Variants in NAALADL2 observed in about 807,000 individuals in gnomAD.
NAALADL2 encodes the protein inactive N-acetylated-alpha-linked acidic dipeptidase-like protein 2.
Under a neutral mutation model 87.2 loss-of-function variants are expected in NAALADL2, and 76 were observed. The observed-to-expected ratio is 0.87, with a 90% CI of 0.72 to 1.05. The LOEUF (loss-of-function observed/expected upper bound fraction) is 1.05, where lower values mean the gene tolerates loss of function less well. Among genes scored for constraint, NAALADL2 ranks in the 50% least tolerant of loss-of-function variants. NAALADL2 has a pLI of 0.00. For synonymous variants in NAALADL2, 354 were observed against 331.0 expected, an observed-to-expected ratio of 1.07 and a Z score of -0.75; for missense variants, 1,089 against 945.8, an observed-to-expected ratio of 1.15 and a Z score of -1.99.
chr3:174,805,171 A>G (rs1719314760), intron 3 of NAALADL2, among the ~76,000 whole-genome samples: 2 of 152,142 alleles, frequency 1.3e-5, no homozygotes, highest in Admixed American at 6.6e-5. Context: ...TGCTGTCAAA[A>G]TTGGAATATT....
intron 2 of NAALADL2, among the ~76,000 whole-genome samples, chr3:174,644,192 T>G (rs1723545730): frequency 6.6e-6 from 1 of 152,208 alleles, no homozygotes; most frequent in Non-Finnish European, 1.5e-5. Flanking sequence ...GATTTCTGCT[T>G]TCAGCGAGAT....
chr3:175,148,088 A>AATG (rs147242939), intron 2 of NAALADL2, among the ~76,000 whole-genome samples: 2 of 126,288 alleles, frequency 1.6e-5, no homozygotes, highest in African/African-American at 7.3e-5. Flanking sequence ...TAATAATGAT[A>AATG]ATGATAATAA....
At chr3:175,232,250 C>G (rs372125820) in intron 2 of NAALADL2, among the ~76,000 whole-genome samples, 7 of 20,102 alleles carry the variant, frequency 3.5e-4, no homozygotes, top group South Asian at 1.5e-3. Flanking sequence ...GAAGAAAGAA[C>G]AAGAAGAAGA....
intron 2 of NAALADL2, among the ~76,000 whole-genome samples, chr3:174,604,241 T>G (rs1435141817): frequency 6.6e-6 from 1 of 152,180 alleles, no homozygotes; most frequent in Non-Finnish European, 1.5e-5. Context: ...TATATCTAGG[T>G]GATTCAGTGT....
At chr3:175,596,118 C>A (rs889875915) in intron 10 of NAALADL2, among the ~76,000 whole-genome samples, 1 of 151,678 alleles carries the variant, frequency 6.6e-6, no homozygotes, top group Non-Finnish European at 1.5e-5. Flanking sequence ...GGTTAGGAGG[C>A]CCTGATAAAA....
rs149646034 is a variant in NAALADL2, at chr3:175,102,230, A to G, written c.545+4939A>G. 5.2e-4 allele frequency among the ~76,000 whole-genome samples: 79 copies of G among 152,280 alleles called. No individual in the cohort carries two copies. In the East Asian group the frequency reaches 0.014, roughly 27 times the overall value. On this transcript the variant is annotated intron_variant, in intron 2 of 13. Coordinates refer to ENST00000454872, the MANE Select transcript of NAALADL2 (RefSeq NM_207015.3). ...CTTGTACATAAATCCAATTGTGCCT[A>G]TTTAATTATTCCCTTCTGATGAATT...
intron 4 of NAALADL2, among the ~76,000 whole-genome samples, chr3:175,295,135 T>C (rs988661215): frequency 1.3e-5 from 2 of 152,168 alleles, no homozygotes; most frequent in African/African-American, 2.4e-5. Context: ...CCTGAGTATA[T>C]ATTTCCAGAA....
In NAALADL2 at chr3:175,639,407, A is replaced by G. The variant is rs1319419015; in HGVS notation, c.1896+12021A>G. Among the ~76,000 whole-genome samples, 11 of 133,584 alleles carry G rather than the reference A, an allele frequency of 8.2e-5. No individual in the cohort carries two copies. In the East Asian group the frequency reaches 1.3e-3, roughly 16 times the overall value. The allele number at this position is 133,584 out of a possible 152,430, so 87.6% of individuals were successfully genotyped here. A position where few individuals can be genotyped will look rare whatever the true frequency, so the allele number is the denominator to read the frequency against. On this transcript the variant is annotated intron_variant, in intron 11 of 13. Transcript: ENST00000454872. ...GCAATCTCGGCTCACTGCAAGCTCC[A>G]CCTCCCGGGTTCACACCATTCTCCT...
At chr3:175,157,817 G>A (rs1190629637) in intron 2 of NAALADL2, among the ~76,000 whole-genome samples, 2 of 152,004 alleles carry the variant, frequency 1.3e-5, no homozygotes, top group South Asian at 2.1e-4. Context: ...TCCAGATGGT[G>A]ATTAACAGTT....
intron 4 of NAALADL2, among the ~76,000 whole-genome samples, chr3:175,281,112 TAA>T (rs5854624): frequency 6.9e-6 from 1 of 144,630 alleles, no homozygotes; most frequent in African/African-American, 2.7e-5. Context: ...AATTAAAACT[TAA>T]AAAAAATATA....
At chr3:174,742,176 T>G (rs965853969) in intron 3 of NAALADL2, among the ~76,000 whole-genome samples, 1 of 151,666 alleles carries the variant, frequency 6.6e-6, no homozygotes, top group Non-Finnish European at 1.5e-5. Flanking sequence ...CAAGGACCAT[T>G]TAATAAAAAT....
chr3:175,547,314 G>A (rs1190101345), intron 9 of NAALADL2, among the ~76,000 whole-genome samples: 1 of 152,092 alleles, frequency 6.6e-6, no homozygotes, highest in Non-Finnish European at 1.5e-5. Flanking sequence ...AAGCAATGGG[G>A]AAAGGACTCC....
intron 1 of NAALADL2, among the ~76,000 whole-genome samples, chr3:175,090,351 C>A (rs1207910899): frequency 6.6e-6 from 1 of 151,760 alleles, no homozygotes; most frequent in Non-Finnish European, 1.5e-5. Context: ...CTTGCCAAAT[C>A]CTGAATTGAA....
rs1415541878 is a variant in NAALADL2, at chr3:175,170,357, T to C, written c.546-63574T>C. 3.3e-5 allele frequency among the ~76,000 whole-genome samples: 5 copies of C among 150,068 alleles called. No individual in the cohort carries two copies. The East Asian group carries it at 9.7e-4, about 29-fold the overall frequency. On this transcript the variant is annotated intron_variant, in intron 2 of 13. Transcript: ENST00000454872. ...CATATATGAATTTCTTCAAGTATTT[T>C]ATATAACAAAAATTGTCATTGGTTA...
intron 5 of NAALADL2, among the ~76,000 whole-genome samples, chr3:175,353,569 A>G (rs1764019412): frequency 6.6e-6 from 1 of 152,216 alleles, no homozygotes; most frequent in Admixed American, 6.5e-5. Flanking sequence ...GATCACAAGG[A>G]GACCAAATAA....
rs540294691 is a variant in NAALADL2 at position 175,385,057 on chromosome 3, G to A, written c.1090+60732G>A. ...TCTATACATAATTAAGAAACTTTGA[G>A]TGTAGTTATTATTTAATGACCATTT... is the stretch of plus-strand genomic sequence containing the variant. On this transcript the variant is annotated intron_variant, in intron 5 of 13. Transcript: ENST00000454872. Among the ~76,000 whole-genome samples, 249 of 152,098 alleles carry A rather than the reference G, an allele frequency of 1.6e-3. 1 individual carries two copies. Among genetic ancestry groups the A allele is most frequent in the African/African-American group, 5.6e-3 (231 of 41,522 alleles).
chr3:174,487,221 C>A (rs772512257), intron 1 of NAALADL2, among the ~76,000 whole-genome samples: 2 of 152,028 alleles, frequency 1.3e-5, no homozygotes, highest in Non-Finnish European at 2.9e-5. Context: ...CTCTATCATT[C>A]TTTTCCATAG....
At chr3:174,573,289 A>G (rs897743153) in intron 2 of NAALADL2, among the ~76,000 whole-genome samples, 9 of 151,916 alleles carry the variant, frequency 5.9e-5, no homozygotes, top group Non-Finnish European at 1.5e-5. Flanking sequence ...ATTTTTAGAG[A>G]TATGGTCTTA....
intron 5 of NAALADL2, among the ~76,000 whole-genome samples, chr3:175,356,602 AT>A (rs879499679): frequency 0.051 from 7,593 of 147,464 alleles, 320 homozygotes; most frequent in African/African-American, 0.11. Context: ...AATAATAATA[AT>A]AATAATAAAG....
Sources: allele counts gnomAD v4.1 joint callset (sites outside exome capture counted in the v4.1 genomes callset), GRCh38; gene constraint gnomAD v4.1.1; transcripts MANE v1.5; gene names NCBI Gene and HGNC (gene_info 2026-07-23, HGNC 2026-07-21).